The following C8A variants were observed in gnomAD, a reference collection of about 807,000 sequenced individuals.
The protein encoded by C8A is complement C8 alpha chain, also known as complement component C8 alpha chain.
A neutral mutation model predicts 65.3 loss-of-function variants in C8A; 67 were observed. The observed-to-expected ratio is 1.03, with a 90% CI of 0.84 to 1.26. The LOEUF is 1.26. Among genes scored for constraint, C8A ranks in the 50% most tolerant of loss-of-function variants. The pLI, the probability that C8A is intolerant of heterozygous loss-of-function variation, is 0.00. For missense variants in C8A, 781 were observed against 723.9 expected, an observed-to-expected ratio of 1.08 and a Z score of -0.90; for synonymous variants, 290 against 259.4, an observed-to-expected ratio of 1.12 and a Z score of -1.13.
intron 4 of C8A, 33 bp downstream of exon 4, chr1:56,876,242 G>C: frequency 6.2e-7 from 1 of 1,613,240 alleles, no homozygotes; most frequent in Non-Finnish European, 8.5e-7. Context: ...TTTAGGAGCA[G>C]GGAATGATTT....
intron 7 of C8A, among the ~76,000 whole-genome samples, chr1:56,900,255 T>A (rs896221176): frequency 2.0e-5 from 3 of 152,208 alleles, no homozygotes; most frequent in Admixed American, 2.0e-4. Context: ...GCATCCATTG[T>A]GTTTGAGTAT....
At chr1:56,907,927 G>T in intron 8 of C8A, 29 bp from the exon 9 acceptor site, 1 of 1,613,870 alleles carries the variant, frequency 6.2e-7, no homozygotes, top group Non-Finnish European at 8.5e-7. Flanking sequence ...TGGGAAATGA[G>T]TTAATGCAGT....
chr1:56,910,641 T>G (rs1270458556), intron 9 of C8A, among the ~76,000 whole-genome samples: 1 of 152,234 alleles, frequency 6.6e-6, no homozygotes, highest in African/African-American at 2.4e-5. Flanking sequence ...GACTGAATTC[T>G]CTGAACTTCC....
chr1:56,878,009 A>G (rs1220489780), intron 4 of C8A, among the ~76,000 whole-genome samples: 1 of 152,174 alleles, frequency 6.6e-6, no homozygotes, highest in Non-Finnish European at 1.5e-5. Flanking sequence ...AACAGCAGAA[A>G]TTTACTTTCT....
intron 7 of C8A, among the ~76,000 whole-genome samples, chr1:56,895,187 A>T (rs1557710266): frequency 6.6e-6 from 1 of 152,048 alleles, no homozygotes; most frequent in Non-Finnish European, 1.5e-5. Flanking sequence ...TTTTCCATAC[A>T]TTCTGTCATT....
intron 7 of C8A, among the ~76,000 whole-genome samples, chr1:56,888,988 G>C (rs1018413590): frequency 4.6e-5 from 7 of 152,074 alleles, no homozygotes; most frequent in Non-Finnish European, 8.8e-5. Flanking sequence ...TTGGGCTCCC[G>C]TCTTTGGGGC....
intron 7 of C8A, among the ~76,000 whole-genome samples, chr1:56,898,620 G>A (rs1644403020): frequency 6.6e-6 from 1 of 152,094 alleles, no homozygotes; most frequent in Non-Finnish European, 1.5e-5. Context: ...TCAGTTCTGG[G>A]TTGGAAGCCT....
intron 7 of C8A, among the ~76,000 whole-genome samples, chr1:56,905,916 G>T (rs778032909): frequency 4.6e-5 from 7 of 152,186 alleles, no homozygotes; most frequent in Admixed American, 1.3e-4. Context: ...TAGCAATGTG[G>T]CTTTACTGCT....
chr1:56,905,111 A>G (rs1472138938), intron 7 of C8A, among the ~76,000 whole-genome samples: 1 of 152,234 alleles, frequency 6.6e-6, no homozygotes, highest in Non-Finnish European at 1.5e-5. Flanking sequence ...GTAATGCATT[A>G]AAAATTAAAA....
Position 56,915,980 on chromosome 1 carries a change from T to A in C8A, c.1604-1585T>A, listed in dbSNP as rs150872164. ...GTGAGCCTTGCCAGAGTAATTTAAT[T>A]ATAGCACTCCAAGGGCCCTCAGAAC... On this transcript the variant is annotated intron_variant, in intron 10 of 10. Transcript: ENST00000361249. 3.0e-3 allele frequency among the ~76,000 whole-genome samples: 463 copies of A among 152,210 alleles called. 2 individuals are homozygous for A. The highest frequency in any genetic ancestry group is 0.011 in the African/African-American group (443 of 41,526).
At chr1:56,886,820 T>C (rs1381844281) in intron 7 of C8A, among the ~76,000 whole-genome samples, 3 of 152,180 alleles carry the variant, frequency 2.0e-5, no homozygotes, top group Non-Finnish European at 2.9e-5. Context: ...TAAAGACTAT[T>C]AGCATCGACC....
intron 7 of C8A, among the ~76,000 whole-genome samples, chr1:56,905,126 T>C (rs1644453852): frequency 6.6e-6 from 1 of 152,198 alleles, no homozygotes. Context: ...TTAAAAGTGT[T>C]TGAATGGAAA....
chr1:56,906,928 C>T (rs1570351261), intron 8 of C8A, 136 bp downstream of exon 8: 1 of 1,048,374 alleles, frequency 9.5e-7, no homozygotes, highest in Non-Finnish European at 1.5e-6. Context: ...CGCTAAATAC[C>T]CCAAAACAAT....
intron 1 of C8A, 76 bp from the exon 2 acceptor site, chr1:56,867,533 G>C (rs1168708625): frequency 9.7e-7 from 1 of 1,030,654 alleles, no homozygotes; most frequent in Admixed American, 1.8e-5. Context: ...TTTACTGGAA[G>C]GAAAATGTGC....
At chr1:56,861,922 T>G (rs779569691) in intron 1 of C8A, among the ~76,000 whole-genome samples, 1 of 152,212 alleles carries the variant, frequency 6.6e-6, no homozygotes. Flanking sequence ...TTTTCTTTTC[T>G]AAAATGCTGA....
chr1:56,901,896 C>T (rs1041010847), intron 7 of C8A, among the ~76,000 whole-genome samples: 6 of 152,154 alleles, frequency 3.9e-5, no homozygotes, highest in Non-Finnish European at 5.9e-5. Flanking sequence ...TTGTCCATTT[C>T]CCCACACTTG....
At chr1:56,904,876 G>A (rs147471659) in intron 7 of C8A, among the ~76,000 whole-genome samples, 2 of 152,230 alleles carry the variant, frequency 1.3e-5, no homozygotes, top group African/African-American at 2.4e-5. Flanking sequence ...CCAGCATCAC[G>A]TGGCAGGCTG....
At chr1:56,915,923 T>C (rs1644547372) in intron 10 of C8A, among the ~76,000 whole-genome samples, 1 of 152,164 alleles carries the variant, frequency 6.6e-6, no homozygotes, top group Non-Finnish European at 1.5e-5. Context: ...CAGTTCATGG[T>C]TATCAATCTG....
At chr1:56,889,845 T>C (rs993261681) in intron 7 of C8A, among the ~76,000 whole-genome samples, 1 of 152,030 alleles carries the variant, frequency 6.6e-6, no homozygotes, top group Non-Finnish European at 1.5e-5. Context: ...CATGAAACCA[T>C]GCATCAAAAA....
Sources: gnomAD v4.1 joint callset for allele counts (sites outside exome capture counted in the v4.1 genomes callset) on GRCh38, gnomAD v4.1.1 for gene constraint, MANE v1.5 for transcripts, NCBI Gene and HGNC (gene_info 2026-07-23, HGNC 2026-07-21) for gene names.